Variants in KCNMA1 observed in about 807,000 individuals in gnomAD.
The protein encoded by KCNMA1 is potassium calcium-activated channel subfamily M alpha 1, also known as Calcium-activated potassium channel subunit alpha-1.
KCNMA1 carries 29 observed loss-of-function variants against 140.0 expected under a neutral mutation model. That is an observed-to-expected ratio of 0.21 (90% confidence interval 0.15 to 0.28). KCNMA1 has a LOEUF of 0.28. Among genes scored for constraint, KCNMA1 ranks in the 10% least tolerant of loss-of-function variants. The pLI is 1.00. For missense variants in KCNMA1, 880 were observed against 1,602.2 expected (o/e 0.55, Z 7.70); for synonymous variants, 612 against 611.9 (o/e 1.00, Z 0.00).
intron 12 of KCNMA1, among the ~76,000 whole-genome samples, chr10:77,080,146 G>A (rs1049526432): frequency 1.3e-5 from 2 of 152,220 alleles, no homozygotes; most frequent in Admixed American, 6.5e-5. Context: ...GCTTCTATCT[G>A]CACTGGGCTC....
intron 23 of KCNMA1, among the ~76,000 whole-genome samples, chr10:76,937,822 G>A (rs993124455): frequency 6.6e-6 from 1 of 152,170 alleles, no homozygotes; most frequent in Non-Finnish European, 1.5e-5. Flanking sequence ...GTGGAGAAAG[G>A]AGGGTGTCCG....
At chr10:77,442,542 T>C (rs1249735404) in intron 1 of KCNMA1, among the ~76,000 whole-genome samples, 1 of 152,140 alleles carries the variant, frequency 6.6e-6, no homozygotes, top group East Asian at 1.9e-4. Context: ...GAGGTTTCAT[T>C]GCTCAGTGCC....
chr10:77,064,079 T>G (rs2095851808), intron 14 of KCNMA1: 1 of 985,450 alleles, frequency 1.0e-6, no homozygotes. Flanking sequence ...AATCTTTCTG[T>G]GCTGCCTTTC....
intron 1 of KCNMA1, among the ~76,000 whole-genome samples, chr10:77,584,461 T>A (rs559395465): frequency 6.6e-6 from 1 of 152,234 alleles, no homozygotes; most frequent in Non-Finnish European, 1.5e-5. Flanking sequence ...TTCAAGCAAT[T>A]CTCCTGCCTC....
chr10:77,485,321 T>C (rs1249491572), intron 1 of KCNMA1, among the ~76,000 whole-genome samples: 2 of 152,248 alleles, frequency 1.3e-5, no homozygotes, highest in South Asian at 2.1e-4. Context: ...TCTTCCCCTA[T>C]TCCAAAGGAT....
intron 3 of KCNMA1, among the ~76,000 whole-genome samples, chr10:77,227,919 C>A (rs901762846): frequency 1.6e-4 from 25 of 151,542 alleles, no homozygotes; most frequent in Admixed American, 1.2e-3. Context: ...TGAGGTGATA[C>A]TTACAAGGGC....
In KCNMA1 at chr10:76,890,458, T is replaced by C. The variant is rs140000547; in HGVS notation, c.3343-889A>G. On this transcript the variant is annotated intron_variant, in intron 26 of 27. Coordinates refer to ENST00000286628, the MANE Select transcript of KCNMA1 (RefSeq NM_001161352.2). ...CCATTATCTAAAGTCTTTATCCTAA[T>C]CAAGTGCATCAATAAGTAAATGATA... is the stretch of plus-strand genomic sequence containing the variant. 2.6e-5 allele frequency among the ~76,000 whole-genome samples: 4 copies of C among 152,244 alleles called. No individual in the cohort carries two copies. In the East Asian group the frequency reaches 7.7e-4, roughly 29 times the overall value.
In KCNMA1 at chr10:76,916,017, AACACACACACACAC is replaced by A. The variant is rs71649417; in HGVS notation, c.2903-982_2903-969del. Among the ~76,000 whole-genome samples, 14 of 146,300 alleles carry A rather than the reference AACACACACACACAC, an allele frequency of 9.6e-5. 1 individual carries two copies. Among genetic ancestry groups the A allele is most frequent in the Middle Eastern group, 7.1e-3 (2 of 282 alleles). On this transcript the variant is annotated intron_variant, in intron 23 of 27. Coordinates refer to ENST00000286628, the MANE Select transcript of KCNMA1 (RefSeq NM_001161352.2). ...CCCTATGTGAGATTTTATACACATAAACACACACACACACACACACACACACACATACACAAATG... is the reference window on the plus strand; with the variant it reads ...CCCTATGTGAGATTTTATACACATAAACACACACACACACATACACAAATG...
intron 13 of KCNMA1, among the ~76,000 whole-genome samples, chr10:77,075,161 T>C (rs185514429): frequency 5.5e-4 from 84 of 152,268 alleles, no homozygotes; most frequent in Non-Finnish European, 9.0e-4. Context: ...CCACAGCAAG[T>C]GGTAATTGCT....
At chr10:77,209,034 G>A (rs1334561835) in intron 3 of KCNMA1, among the ~76,000 whole-genome samples, 1 of 152,136 alleles carries the variant, frequency 6.6e-6, no homozygotes, top group African/African-American at 2.4e-5. Context: ...CTTTGGAAGA[G>A]TGCAAGTGTA....
intron 3 of KCNMA1, among the ~76,000 whole-genome samples, chr10:77,209,473 A>G (rs2045271609): frequency 6.6e-6 from 1 of 152,214 alleles, no homozygotes; most frequent in Non-Finnish European, 1.5e-5. Context: ...CTGGCTCTGA[A>G]GTTCTAGGTT....
At chr10:76,874,791 A>G (rs1160306718), downstream of KCNMA1, 1 of 152,248 alleles carries the variant, frequency 6.6e-6, no homozygotes, top group Admixed American at 6.5e-5. Context: ...TAATGGTTCA[A>G]GATGATATTC....
At chr10:77,580,435 CTA>C (rs1555470917) in intron 1 of KCNMA1, among the ~76,000 whole-genome samples, 2 of 151,694 alleles carry the variant, frequency 1.3e-5, no homozygotes, top group Non-Finnish European at 2.9e-5. Context: ...ACTAAAATCT[CTA>C]GGGATGAAAT....
chr10:77,079,160 C>T (rs1238096693), intron 13 of KCNMA1, among the ~76,000 whole-genome samples: 2 of 152,096 alleles, frequency 1.3e-5, no homozygotes, highest in African/African-American at 2.4e-5. Flanking sequence ...ATCCCAGCTA[C>T]TCAAGAGGCA....
chr10:77,292,194 A>AC (rs1162105812), intron 2 of KCNMA1, among the ~76,000 whole-genome samples: 3 of 151,854 alleles, frequency 2.0e-5, no homozygotes, highest in Non-Finnish European at 4.4e-5. Flanking sequence ...GCCGGCTGAG[A>AC]CCCCGCCGGG....
chr10:77,518,833 C>A (rs563338299), intron 1 of KCNMA1, among the ~76,000 whole-genome samples: 32 of 152,314 alleles, frequency 2.1e-4, no homozygotes, highest in African/African-American at 7.2e-4. Flanking sequence ...CTGATCCCTG[C>A]CTCAGACAAA....
At chr10:76,981,675 G>A (rs1433153117) in intron 19 of KCNMA1, among the ~76,000 whole-genome samples, 1 of 152,180 alleles carries the variant, frequency 6.6e-6, no homozygotes, top group Non-Finnish European at 1.5e-5. Context: ...TGAAGGGACA[G>A]CCTAGGCTGC....
At chr10:76,944,986 A>G in intron 22 of KCNMA1, 21 bp from the exon 23 acceptor site, 1 of 1,607,742 alleles carries the variant, frequency 6.2e-7, no homozygotes, top group Non-Finnish European at 8.5e-7. Flanking sequence ...GAGGAAAGAA[A>G]AAAAAACAGA....
At chr10:77,222,555 G>A (rs185562749) in intron 3 of KCNMA1, among the ~76,000 whole-genome samples, 2 of 152,260 alleles carry the variant, frequency 1.3e-5, no homozygotes, top group Admixed American at 6.5e-5. Flanking sequence ...GGGTCAGTTC[G>A]CTGCTCTGGG....
Sources: allele counts gnomAD v4.1 joint callset (sites outside exome capture counted in the v4.1 genomes callset), GRCh38; gene constraint gnomAD v4.1.1; transcripts MANE v1.5; gene names NCBI Gene and HGNC (gene_info 2026-07-23, HGNC 2026-07-21).